The following SNTB1 variants were observed in gnomAD, a reference collection of about 807,000 sequenced individuals.
SNTB1 encodes syntrophin beta 1.
In SNTB1, 36 loss-of-function variants were observed where a neutral mutation model predicts 48.9. That is an observed-to-expected ratio of 0.74 (90% CI 0.56 to 0.97). SNTB1 has a LOEUF of 0.97. SNTB1 is among the 50% of genes least tolerant of loss of function. The pLI is 0.00. For synonymous variants in SNTB1, 299 were observed against 294.6 expected (o/e 1.01, Z -0.15); for missense variants, 786 against 703.4 (o/e 1.12, Z -1.33).
chr8:120,542,985 T>G (rs1173514665), intron 5 of SNTB1, among the ~76,000 whole-genome samples: 2 of 152,086 alleles, frequency 1.3e-5, no homozygotes, highest in African/African-American at 4.8e-5. Flanking sequence ...GCACCCTGAG[T>G]GCGGCATCCA....
intron 1 of SNTB1, among the ~76,000 whole-genome samples, chr8:120,750,532 A>G (rs539234191): frequency 6.6e-6 from 1 of 152,274 alleles, no homozygotes; most frequent in South Asian, 2.1e-4. Context: ...CTGTCCTCAG[A>G]TGCAGGTCAC....
chr8:120,563,831 C>G (rs79871353), intron 4 of SNTB1, among the ~76,000 whole-genome samples: 1 of 152,014 alleles, frequency 6.6e-6, no homozygotes, highest in Non-Finnish European at 1.5e-5. Flanking sequence ...TAAGGCTGGC[C>G]GGGCATGGTG....
intron 1 of SNTB1, among the ~76,000 whole-genome samples, chr8:120,778,474 C>T (rs973832571): frequency 2.6e-5 from 4 of 152,170 alleles, no homozygotes; most frequent in South Asian, 4.1e-4. Context: ...GGCATTTCTG[C>T]AAACTTTTCA....
intron 3 of SNTB1, among the ~76,000 whole-genome samples, chr8:120,578,898 C>A (rs9969409): frequency 0.017 from 2,610 of 152,210 alleles, 89 homozygotes; most frequent in African/African-American, 0.06. Context: ...AAGAATTGGA[C>A]GGGCGAGGTA....
chr8:120,801,433 CTT>C (rs903431364), intron 1 of SNTB1, among the ~76,000 whole-genome samples: 1 of 151,842 alleles, frequency 6.6e-6, no homozygotes, highest in African/African-American at 2.4e-5. Flanking sequence ...CTATTTGTAA[CTT>C]ATATATATGT....
At chr8:120,569,788 T>C (rs1815812146) in intron 4 of SNTB1, among the ~76,000 whole-genome samples, 1 of 152,218 alleles carries the variant, frequency 6.6e-6, no homozygotes, top group African/African-American at 2.4e-5. Context: ...CCTTGAAATA[T>C]GGCTAAGGAG....
intron 2 of SNTB1, among the ~76,000 whole-genome samples, chr8:120,657,196 A>G (rs1455335380): frequency 6.6e-6 from 1 of 152,172 alleles, no homozygotes; most frequent in Non-Finnish European, 1.5e-5. Flanking sequence ...CCAATAATTG[A>G]AGTTGGATGA....
chr8:120,656,841 T>C (rs1263895445), intron 2 of SNTB1, among the ~76,000 whole-genome samples: 2 of 152,200 alleles, frequency 1.3e-5, no homozygotes, highest in Non-Finnish European at 2.9e-5. Flanking sequence ...TAATATCTAG[T>C]GGTGGAGATG....
intron 1 of SNTB1, among the ~76,000 whole-genome samples, chr8:120,799,177 C>T (rs1451866779): frequency 6.6e-6 from 1 of 152,024 alleles, no homozygotes; most frequent in Admixed American, 6.6e-5. Flanking sequence ...CCTTCACTGT[C>T]TCATGTCTGC....
chr8:120,764,201 A>G (rs567901916), intron 1 of SNTB1, among the ~76,000 whole-genome samples: 2 of 152,330 alleles, frequency 1.3e-5, no homozygotes, highest in East Asian at 3.9e-4. Context: ...TGGTATATAC[A>G]GTTCATCAAG....
chr8:120,689,652 TTTCA>T (rs1250277531), intron 2 of SNTB1, among the ~76,000 whole-genome samples: 72 of 152,346 alleles, frequency 4.7e-4, no homozygotes, highest in African/African-American at 1.7e-3. Context: ...GATGCATTAT[TTTCA>T]TTATTATTTA....
At chr8:120,627,522 T>A (rs914038864) in intron 3 of SNTB1, among the ~76,000 whole-genome samples, 4 of 152,134 alleles carry the variant, frequency 2.6e-5, no homozygotes, top group African/African-American at 9.7e-5. Context: ...TAGTCAAGAA[T>A]GGAAGAGAAG....
intron 3 of SNTB1, among the ~76,000 whole-genome samples, chr8:120,601,293 G>A (rs1467255551): frequency 6.6e-6 from 1 of 152,152 alleles, no homozygotes; most frequent in Non-Finnish European, 1.5e-5. Flanking sequence ...TAAGGATGGT[G>A]AATTTAGATG....
At chr8:120,682,764 T>C (rs1817954199) in intron 2 of SNTB1, among the ~76,000 whole-genome samples, 1 of 151,998 alleles carries the variant, frequency 6.6e-6, no homozygotes, top group Non-Finnish European at 1.5e-5. Flanking sequence ...GATACATAGA[T>C]AGCTGAAAAA....
At chr8:120,710,053 A>G (rs1390669895) in intron 1 of SNTB1, among the ~76,000 whole-genome samples, 2 of 152,176 alleles carry the variant, frequency 1.3e-5, no homozygotes, top group Admixed American at 1.3e-4. Context: ...CTTATGTTCC[A>G]AGTTATCCAT....
intron 1 of SNTB1, among the ~76,000 whole-genome samples, chr8:120,800,572 G>C (rs185751987): frequency 1.3e-5 from 2 of 152,156 alleles, no homozygotes; most frequent in East Asian, 3.9e-4. Flanking sequence ...TCATGCATCA[G>C]ACCTAGATGG....
intron 1 of SNTB1, among the ~76,000 whole-genome samples, chr8:120,788,502 A>G (rs1313990316): frequency 6.6e-6 from 1 of 152,078 alleles, no homozygotes; most frequent in African/African-American, 2.4e-5. Context: ...TACAACTAAC[A>G]TGTAAGGAAT....
At chr8:120,744,109 G>A (rs1819086754) in intron 1 of SNTB1, among the ~76,000 whole-genome samples, 1 of 134,754 alleles carries the variant, frequency 7.4e-6, no homozygotes, top group Admixed American at 8.5e-5. Context: ...AAGCCTGGGT[G>A]ACCCTGTCTC....
chr8:120,561,833 C>T (rs1312665100), intron 4 of SNTB1, among the ~76,000 whole-genome samples: 3 of 152,220 alleles, frequency 2.0e-5, no homozygotes, highest in Admixed American at 2.0e-4. Context: ...GCCCTGGCTA[C>T]TATGTTGGCC....
Sources: allele counts gnomAD v4.1 joint callset (sites outside exome capture counted in the v4.1 genomes callset), GRCh38; gene constraint gnomAD v4.1.1; transcripts MANE v1.5; gene names NCBI Gene and HGNC (gene_info 2026-07-23, HGNC 2026-07-21).